The following NOBOX variants were observed in gnomAD, a reference collection of about 807,000 sequenced individuals.
NOBOX encodes homeobox protein NOBOX.
In NOBOX, 46 loss-of-function variants were observed where a neutral mutation model predicts 60.2. The observed-to-expected ratio is 0.76, with a 90% CI of 0.60 to 0.98. The LOEUF (loss-of-function observed/expected upper bound fraction) is 0.98. Among genes scored for constraint, NOBOX ranks in the 50% least tolerant of loss-of-function variants. The pLI is 0.00. For synonymous variants in NOBOX, 360 were observed against 346.3 expected (o/e 1.04, Z -0.44); for missense variants, 880 against 865.5 (o/e 1.02, Z -0.21).
Position 144,403,709 on chromosome 7 carries a change from CGCCGCGGCCG to C in NOBOX, c.210+837_210+846del, listed in dbSNP as rs1208951928. The C allele has an allele frequency of 2.0e-5, 14 of 700,362 alleles. No individual in the cohort carries two copies. The Admixed American group carries it at 2.8e-4, about 14-fold the overall frequency. 43.4% of individuals were successfully genotyped at this position (700,362 alleles called of 1,614,324 possible). A position where few individuals can be genotyped will look rare whatever the true frequency, so the allele number is the denominator to read the frequency against. On this transcript the variant is annotated intron_variant, in intron 2 of 9. Coordinates refer to ENST00000467773, the MANE Select transcript of NOBOX (RefSeq NM_001080413.3). Reference sequence around the variant, plus strand: ...TGGGTTCCATGGCCTGGACTCCCGCCGCCGCGGCCGGCCCGTGATGCACAGGCGCGGCCTA... The same window carrying C: ...TGGGTTCCATGGCCTGGACTCCCGCCGCCCGTGATGCACAGGCGCGGCCTA...
At position 144,398,499 on chromosome 7, in the gene NOBOX, GAACTGGAA is replaced by G; in HGVS notation, c.1549_1556del (p.Phe517LeufsTer79). Reference sequence around the variant, plus strand: ...AAAGCGGGGGCTGTGGAGCCTGGGAGAACTGGAAGGGTCCTGGCTGGTTGCTCTGTTGG... The same window carrying G: ...AAAGCGGGGGCTGTGGAGCCTGGGAGGGGTCCTGGCTGGTTGCTCTGTTGG... On this transcript the variant is annotated frameshift_variant, in exon 9 of 10. Coordinates refer to ENST00000467773, the MANE Select transcript of NOBOX (RefSeq NM_001080413.3). LOFTEE classifies it high-confidence loss of function. The G allele has an allele frequency of 1.3e-6, 2 of 1,536,920 alleles. No individual in the cohort carries two copies. The highest frequency in any genetic ancestry group is 1.7e-6 in the Non-Finnish European group (2 of 1,146,744).
In NOBOX at chr7:144,399,873, G is replaced by A. The variant is rs767110478; in HGVS notation, c.1048-10C>T. 4 of 1,601,120 alleles carry A rather than the reference G, an allele frequency of 2.5e-6. No homozygotes were observed. Among genetic ancestry groups the A allele is most frequent in the East Asian group, 2.2e-5 (1 of 44,574 alleles). ...GATTCTGGAACCACACCTATGGGGG[G>A]AAAGGTGCTTGAAGAACTGGAGAAG... is the stretch of plus-strand genomic sequence containing the variant. On this transcript the variant is annotated splice_polypyrimidine_tract_variant and intron_variant, in intron 5 of 9. Coordinates refer to ENST00000467773, the MANE Select transcript of NOBOX (RefSeq NM_001080413.3).
chr7:144,402,482 G>A (rs2053948835), intron 2 of NOBOX, among the ~76,000 whole-genome samples: 1 of 152,094 alleles, frequency 6.6e-6, no homozygotes, highest in South Asian at 2.1e-4. Flanking sequence ...ATGAGGATGA[G>A]ACAGCAGAGT....
intron 2 of NOBOX, among the ~76,000 whole-genome samples, chr7:144,402,538 C>T (rs2053949372): frequency 6.6e-6 from 1 of 152,114 alleles, no homozygotes; most frequent in Non-Finnish European, 1.5e-5. Flanking sequence ...ACTCTGTGTA[C>T]TTAATCACCA....
At chr7:144,405,430 G>A (rs2053978829) in intron 1 of NOBOX, among the ~76,000 whole-genome samples, 1 of 152,196 alleles carries the variant, frequency 6.6e-6, no homozygotes, top group African/African-American at 2.4e-5. Context: ...TCATGTCAGG[G>A]TAGTGTGGTC....
At chr7:144,403,567 G>C (rs2053959126) in intron 2 of NOBOX, 90 bp downstream of exon 1, 2 of 528,110 alleles carry the variant, frequency 3.8e-6, no homozygotes, top group East Asian at 9.4e-5. Context: ...CTCTTAGGTC[G>C]GCTAACGCTG....
At chr7:144,402,731 A>G (rs1163480468) in intron 2 of NOBOX, among the ~76,000 whole-genome samples, 1 of 148,964 alleles carries the variant, frequency 6.7e-6, no homozygotes, top group Non-Finnish European at 1.5e-5. Flanking sequence ...TGCATGAGAT[A>G]GGTCTTAAGG....
At position 144,399,422 on chromosome 7, in the gene NOBOX, C is replaced by A; in HGVS notation, c.1215G>T (p.Gln405His). The stretch of plus-strand genomic sequence containing the variant: ...CTGGAAAGGTATCCAGAGGGGACTC[C>A]TGAGGGAAAGGGTCAGGCTTTGGCT... The change falls in exon 7 of 10, where the codon CAG becomes CAT. Residue 405 changes from glutamine to histidine, a missense_variant. By Grantham distance (24) the Gln-to-His change is conservative (BLOSUM62 0). Transcript: ENST00000467773. 6.3e-7 allele frequency: 1 copy of A among 1,587,652 alleles called. No homozygotes were observed. Among genetic ancestry groups the A allele is most frequent in the Non-Finnish European group, 8.6e-7 (1 of 1,166,790 alleles).
intron 5 of NOBOX, 58 bp from the exon 4 acceptor site, chr7:144,399,921 G>T (rs1465722884): frequency 2.1e-6 from 3 of 1,427,922 alleles, no homozygotes; most frequent in Non-Finnish European, 1.9e-6. Context: ...TGAGGCTTAG[G>T]TCCTGGCTGT....
intron 4 of NOBOX, 124 bp downstream of exon 2, chr7:144,400,922 G>C: frequency 1.4e-6 from 1 of 739,308 alleles, no homozygotes; most frequent in South Asian, 4.5e-5. Flanking sequence ...GAGAGAATCC[G>C]GGACGAAGTG....
chr7:144,402,519 T>G (rs1350334540), intron 2 of NOBOX, among the ~76,000 whole-genome samples: 1 of 152,164 alleles, frequency 6.6e-6, no homozygotes, highest in African/African-American at 2.4e-5. Context: ...CACAGCACCC[T>G]GAGCACGTAC....
Position 144,401,394 on chromosome 7 carries a change from C to T in NOBOX, c.496G>A (p.Ala166Thr). Residue 166 changes from alanine to threonine, a missense_variant, in exon 4 of 10, where the codon GCT (alanine) becomes ACT (threonine). By Grantham distance (58) the Ala-to-Thr change is moderately conservative (BLOSUM62 0). Transcript: ENST00000467773. The surrounding 1 kb of genome is among the most constrained non-coding windows in gnomAD (Gnocchi z 4.2). ...GCTAGAGTTCTGTCTTTGTGGGGAG[C>T]CCTGGAGCGGGGGGGCGGGCACAGT... The T allele has an allele frequency of 6.2e-7, 1 of 1,613,334 alleles. No homozygotes were observed. Among genetic ancestry groups the T allele is most frequent in the Non-Finnish European group, 8.5e-7 (1 of 1,179,612 alleles).
chr7:144,399,912 G>A (rs1392323182), intron 5 of NOBOX, 49 bp from the exon 4 acceptor site: 1 of 1,477,648 alleles, frequency 6.8e-7, no homozygotes, highest in Admixed American at 1.8e-5. Flanking sequence ...GGCAGAGACT[G>A]AGGCTTAGGT....
chr7:144,402,460 A>G (rs1391059746), intron 2 of NOBOX, among the ~76,000 whole-genome samples: 1 of 152,120 alleles, frequency 6.6e-6, no homozygotes, highest in Non-Finnish European at 1.5e-5. Context: ...TTCCCTTCTA[A>G]CAGATGAAGA....
chr7:144,400,447 T>C, intron 4 of NOBOX, 135 bp from the exon 3 acceptor site: 1 of 733,256 alleles, frequency 1.4e-6, no homozygotes, highest in Non-Finnish European at 2.2e-6. Context: ...AAAGCCTTTT[T>C]CCTATTGGGC....
chr7:144,407,622 G>T (rs1228856506), intron 1 of NOBOX, among the ~76,000 whole-genome samples: 1 of 152,252 alleles, frequency 6.6e-6, no homozygotes, highest in East Asian at 1.9e-4. Flanking sequence ...GGGAAAAAGT[G>T]AATGGTCCCA....
In NOBOX at chr7:144,410,202, G is replaced by T; in HGVS notation, c.26C>A (p.Ser9Ter). The change falls in exon 1 of 10, where the codon TCA becomes TAA. Residue 9 changes from serine (S) to a stop codon, truncating the protein, a stop_gained. Coordinates refer to ENST00000467773, the MANE Select transcript of NOBOX (RefSeq NM_001080413.3). LOFTEE classifies it high-confidence loss of function. Reference sequence around the variant, plus strand: ...GTCCCAGGTACCCTCCAGGTCTGGTGATGTTAGTGTCAAAAGGAGAGCCAT... The same window carrying T: ...GTCCCAGGTACCCTCCAGGTCTGGTTATGTTAGTGTCAAAAGGAGAGCCAT... 6.4e-7 allele frequency: 1 copy of T among 1,569,036 alleles called. No homozygotes were observed. The highest frequency in any genetic ancestry group is 1.2e-5 in the South Asian group (1 of 85,126).
intron 8 of NOBOX, 109 bp from the exon 7 acceptor site, chr7:144,398,695 G>A (rs976164131): frequency 2.5e-6 from 2 of 793,240 alleles, no homozygotes; most frequent in Non-Finnish European, 4.1e-6. Flanking sequence ...TCCATGGTAA[G>A]CCCAGCCTTG....
At chr7:144,404,466 C>G in intron 2 of NOBOX, 1 of 1,142,612 alleles carries the variant, frequency 8.8e-7, no homozygotes, top group Non-Finnish European at 1.3e-6. Flanking sequence ...CTAGGCTGGG[C>G]TAGAACTCCT....
Sources: gnomAD v4.1 joint callset for allele counts (sites outside exome capture counted in the v4.1 genomes callset) on GRCh38, gnomAD v4.1.1 for gene constraint, Gnocchi (gnomAD v3.1) non-coding constraint, MANE v1.5 for transcripts, NCBI Gene and HGNC (gene_info 2026-07-23, HGNC 2026-07-21) for gene names.